The following GRIK2 variants were observed in gnomAD, a reference collection of about 807,000 sequenced individuals.
GRIK2 encodes glutamate receptor ionotropic, kainate 2.
A neutral mutation model predicts 100.3 loss-of-function variants in GRIK2; 32 were observed. The observed-to-expected ratio is 0.32, with a 90% confidence interval of 0.24 to 0.43. The LOEUF is 0.43. Ranked by LOEUF, GRIK2 falls within the 20% of genes least tolerant of loss-of-function variation. The pLI, the probability that GRIK2 is intolerant of heterozygous loss-of-function variation, is 1.00. For synonymous variants in GRIK2, 417 were observed against 389.4 expected, an observed-to-expected ratio of 1.07 and a Z score of -0.83; for missense variants, 843 against 1,114.9, an observed-to-expected ratio of 0.76 and a Z score of 3.47.
At chr6:101,818,771 AT>A (rs2128422101) in intron 10 of GRIK2, among the ~76,000 whole-genome samples, 1 of 152,292 alleles carries the variant, frequency 6.6e-6, no homozygotes, top group South Asian at 2.1e-4. Context: ...GGAATTGTCA[AT>A]GTCAAGACTT....
intron 4 of GRIK2, among the ~76,000 whole-genome samples, chr6:101,633,646 C>G (rs1188903136): frequency 1.3e-5 from 2 of 152,012 alleles, no homozygotes. Flanking sequence ...TCAGGAACTA[C>G]AATAAAGTTT....
At chr6:101,874,478 C>G (rs1385517232) in intron 11 of GRIK2, among the ~76,000 whole-genome samples, 5 of 152,106 alleles carry the variant, frequency 3.3e-5, no homozygotes, top group Non-Finnish European at 7.4e-5. Context: ...GTACCAGTAC[C>G]ATGCTGTTTT....
chr6:101,816,583 C>T (rs958444681), intron 9 of GRIK2, among the ~76,000 whole-genome samples: 2 of 151,940 alleles, frequency 1.3e-5, no homozygotes, highest in South Asian at 2.1e-4. Flanking sequence ...CCCAGCTACT[C>T]GGGAGGCTGA....
chr6:101,568,477 A>C (rs1206968334), intron 2 of GRIK2, among the ~76,000 whole-genome samples: 9 of 152,054 alleles, frequency 5.9e-5, no homozygotes, highest in Admixed American at 5.9e-4. Context: ...TAACCCTTTT[A>C]CATGACTATC....
intron 2 of GRIK2, among the ~76,000 whole-genome samples, chr6:101,413,204 CAAACCCCTATTT>C (rs940038336): frequency 6.6e-6 from 1 of 151,948 alleles, no homozygotes; most frequent in Non-Finnish European, 1.5e-5. Context: ...ATCTTAATAA[CAAACCCCTATTT>C]AAACCCCTAT....
intron 14 of GRIK2, among the ~76,000 whole-genome samples, chr6:102,005,582 A>AAAT (rs1795172361): frequency 6.6e-6 from 1 of 152,014 alleles, no homozygotes; most frequent in Non-Finnish European, 1.5e-5. Context: ...CTTTCCATAA[A>AAAT]AATAAGCTTT....
chr6:101,818,612 A>G (rs1279654220), intron 10 of GRIK2, 129 bp downstream of exon 10: 2 of 604,624 alleles, frequency 3.3e-6, no homozygotes, highest in Admixed American at 3.0e-5. Context: ...TTACTGTACA[A>G]CAGATGAGTC....
intron 2 of GRIK2, among the ~76,000 whole-genome samples, chr6:101,594,146 G>T (rs759798962): frequency 6.6e-5 from 10 of 151,766 alleles, no homozygotes; most frequent in African/African-American, 2.2e-4. Context: ...AACATTCCAT[G>T]CCAATTTAGT....
chr6:101,569,131 T>C (rs1777419077), intron 2 of GRIK2, among the ~76,000 whole-genome samples: 2 of 152,052 alleles, frequency 1.3e-5, no homozygotes, highest in South Asian at 4.1e-4. Context: ...TACAAAATCA[T>C]AGCTTTGTTA....
At chr6:101,627,104 CGTGTGTGTGTCTCTGTGT>C in intron 4 of GRIK2, among the ~76,000 whole-genome samples, 1 of 141,484 alleles carries the variant, frequency 7.1e-6, no homozygotes, top group African/African-American at 2.7e-5. Flanking sequence ...TGTGTGTGTG[CGTGTGTGTGTCTCTGTGT>C]GTGTGTGTGT....
intron 14 of GRIK2, among the ~76,000 whole-genome samples, chr6:101,955,230 T>G (rs932109806): frequency 2.0e-5 from 3 of 152,234 alleles, no homozygotes; most frequent in African/African-American, 7.2e-5. Flanking sequence ...AGTTGGAAAG[T>G]GTCCCTGCCT....
At chr6:101,771,246 A>C (rs1472158131) in intron 7 of GRIK2, among the ~76,000 whole-genome samples, 1 of 151,960 alleles carries the variant, frequency 6.6e-6, no homozygotes, top group Non-Finnish European at 1.5e-5. Flanking sequence ...TTTTTTCATT[A>C]AAAATTTTTA....
At chr6:101,960,920 T>A (rs949495246) in intron 14 of GRIK2, among the ~76,000 whole-genome samples, 6 of 152,152 alleles carry the variant, frequency 3.9e-5, no homozygotes, top group Non-Finnish European at 8.8e-5. Context: ...GTCTGTCAAA[T>A]GACTGGTGTC....
intron 11 of GRIK2, among the ~76,000 whole-genome samples, chr6:101,864,162 G>A (rs796967068): frequency 7.4e-5 from 10 of 135,236 alleles, no homozygotes; most frequent in African/African-American, 2.2e-4. Context: ...AAAAAAAAAA[G>A]AAGATGTGGA....
At chr6:101,655,543 G>GA (rs1173539960) in intron 4 of GRIK2, among the ~76,000 whole-genome samples, 3 of 151,652 alleles carry the variant, frequency 2.0e-5, no homozygotes, top group East Asian at 1.9e-4. Context: ...CCTGTACGAA[G>GA]AAAAAAAACC....
intron 2 of GRIK2, among the ~76,000 whole-genome samples, chr6:101,586,892 C>CAAAAAAAAAAA (rs1199378638): frequency 1.3e-4 from 7 of 53,932 alleles, no homozygotes; most frequent in East Asian, 1.6e-3. Flanking sequence ...TCTGTCTTAA[C>CAAAAAAAAAAA]AAAAAAAAAA....
chr6:102,007,691 A>C (rs770966773), intron 14 of GRIK2, among the ~76,000 whole-genome samples: 5 of 152,124 alleles, frequency 3.3e-5, no homozygotes, highest in African/African-American at 4.8e-5. Flanking sequence ...GGTGGAGGAA[A>C]GTAAAAAAGG....
chr6:101,831,982 A>G (rs1158937576), intron 10 of GRIK2, among the ~76,000 whole-genome samples: 2 of 152,100 alleles, frequency 1.3e-5, no homozygotes, highest in Non-Finnish European at 2.9e-5. Flanking sequence ...AATTTAAATC[A>G]CAAGCTTGGT....
At chr6:101,793,397 C>G (rs1439491589) in intron 7 of GRIK2, among the ~76,000 whole-genome samples, 4 of 152,064 alleles carry the variant, frequency 2.6e-5, no homozygotes, top group Admixed American at 2.6e-4. Flanking sequence ...TGTGGATGTC[C>G]TTTCTGTTTG....
Sources: allele counts gnomAD v4.1 joint callset (sites outside exome capture counted in the v4.1 genomes callset), GRCh38; gene constraint gnomAD v4.1.1; transcripts MANE v1.5; gene names NCBI Gene and HGNC (gene_info 2026-07-23, HGNC 2026-07-21).